The following ATRNL1 variants were observed in gnomAD, a reference collection of about 807,000 sequenced individuals.
The protein encoded by ATRNL1 is attractin-like protein 1.
ATRNL1 carries 95 observed loss-of-function variants against 182.7 expected under a neutral mutation model. The observed-to-expected ratio is 0.52, with a 90% CI of 0.44 to 0.62. The LOEUF is 0.62. Among genes scored for constraint, ATRNL1 ranks in the 20% least tolerant of loss-of-function variants. The pLI is 0.00. For synonymous variants in ATRNL1, 576 were observed against 568.3 expected (o/e 1.01, Z -0.19); for missense variants, 1,471 against 1,679.5 (o/e 0.88, Z 2.17).
chr10:115,564,432 A>G (rs891861611), intron 26 of ATRNL1, among the ~76,000 whole-genome samples: 1 of 151,904 alleles, frequency 6.6e-6, no homozygotes, highest in African/African-American at 2.4e-5. Context: ...TTGAGTAGCT[A>G]GAATTGAAGA....
At chr10:115,173,944 CA>C (rs1339048647) in intron 8 of ATRNL1, among the ~76,000 whole-genome samples, 150,345 of 150,348 alleles carry the variant, frequency 1, 75,171 homozygotes, top group Middle Eastern at 1. Flanking sequence ...CTTGTATTTT[CA>C]AAAAGTCATT....
At chr10:115,175,298 A>C (rs1186098755) in intron 8 of ATRNL1, among the ~76,000 whole-genome samples, 2 of 152,074 alleles carry the variant, frequency 1.3e-5, no homozygotes, top group African/African-American at 2.4e-5. Flanking sequence ...CTAGGAAAGT[A>C]CTATGGGTTT....
chr10:115,333,485 CTTT>C (rs35581763), intron 18 of ATRNL1, among the ~76,000 whole-genome samples: 1 of 138,340 alleles, frequency 7.2e-6, no homozygotes, highest in African/African-American at 2.7e-5. Flanking sequence ...TTCAAAAGTA[CTTT>C]TTTTTTTTTT....
rs1952788226 is a variant in ATRNL1 at position 115,914,622 on chromosome 10, G to A, written c.4019-30036G>A. Among the ~76,000 whole-genome samples, 5 of 152,202 alleles carry A rather than the reference G, an allele frequency of 3.3e-5. No homozygotes were observed. The South Asian group carries it at 1.0e-3, about 32-fold the overall frequency. On this transcript the variant is annotated intron_variant, in intron 28 of 28. Coordinates refer to ENST00000355044, the MANE Select transcript of ATRNL1 (RefSeq NM_207303.4). ...CTTCCTGTCACTTCATTGCCTTTCA[G>A]CTTATCTGGACACCTACTTGGTACT...
At chr10:115,306,661 C>G (rs1780338605) in intron 17 of ATRNL1, among the ~76,000 whole-genome samples, 1 of 152,030 alleles carries the variant, frequency 6.6e-6, no homozygotes, top group Non-Finnish European at 1.5e-5. Flanking sequence ...GTTTTCTTCT[C>G]TTTACTCTTG....
At chr10:115,932,793 A>G (rs538998221) in intron 28 of ATRNL1, among the ~76,000 whole-genome samples, 1 of 152,286 alleles carries the variant, frequency 6.6e-6, no homozygotes, top group South Asian at 2.1e-4. Flanking sequence ...ATTTTTTTCT[A>G]GTTGATAGCT....
intron 27 of ATRNL1, among the ~76,000 whole-genome samples, chr10:115,794,941 T>C (rs1338178002): frequency 2.0e-5 from 3 of 152,214 alleles, no homozygotes; most frequent in East Asian, 1.9e-4. Flanking sequence ...ACTATCATTA[T>C]TTTGATGCTC....
At chr10:115,321,056 G>C (rs1026932960) in intron 18 of ATRNL1, among the ~76,000 whole-genome samples, 2 of 152,052 alleles carry the variant, frequency 1.3e-5, no homozygotes, top group Non-Finnish European at 2.9e-5. Flanking sequence ...TGTTTTCTTT[G>C]AGGCTGTTTA....
chr10:115,441,122 T>C (rs1846659409), intron 21 of ATRNL1, among the ~76,000 whole-genome samples: 1 of 151,910 alleles, frequency 6.6e-6, no homozygotes, highest in Non-Finnish European at 1.5e-5. Context: ...TGTTTTGCTC[T>C]AAATTTTATA....
At chr10:115,802,843 T>C (rs913850160) in intron 27 of ATRNL1, among the ~76,000 whole-genome samples, 1 of 152,168 alleles carries the variant, frequency 6.6e-6, no homozygotes, top group African/African-American at 2.4e-5. Context: ...TTCCAGAATA[T>C]TATCCAGGGG....
intron 1 of ATRNL1, among the ~76,000 whole-genome samples, chr10:115,116,031 G>T (rs1844469368): frequency 6.6e-6 from 1 of 152,042 alleles, no homozygotes; most frequent in African/African-American, 2.4e-5. Flanking sequence ...ACAAGTGATT[G>T]GCAAACTTTT....
At chr10:115,135,975 C>T (rs530960582) in intron 5 of ATRNL1, among the ~76,000 whole-genome samples, 4 of 152,012 alleles carry the variant, frequency 2.6e-5, no homozygotes, top group African/African-American at 7.2e-5. Flanking sequence ...CCTCCCAACT[C>T]AGCCTCCGGA....
rs1461266192 is a variant in ATRNL1 at position 115,524,909 on chromosome 10, C to G, written c.3716+5585C>G. On this transcript the variant is annotated intron_variant, in intron 25 of 28. Transcript: ENST00000355044. ...ATGGGAGTCAATTAGGCCCTCATGT[C>G]TAATGGTAGTCAAAATGTCTGCTTA... Among the ~76,000 whole-genome samples the G allele has an allele frequency of 5.3e-5, 8 of 152,138 alleles. No homozygotes were observed. In the South Asian group the frequency reaches 1.0e-3, roughly 20 times the overall value.
chr10:115,102,539 G>A (rs183320782), intron 1 of ATRNL1, among the ~76,000 whole-genome samples: 29 of 152,252 alleles, frequency 1.9e-4, no homozygotes, highest in African/African-American at 7.0e-4. Flanking sequence ...TGCTCGTCAG[G>A]TTCAAGCGGT....
At chr10:115,719,978 A>G (rs4751926) in intron 26 of ATRNL1, among the ~76,000 whole-genome samples, 56,068 of 150,464 alleles carry the variant, frequency 0.37, 11,233 homozygotes, top group East Asian at 0.59. Context: ...TCCTACTTCA[A>G]CCTCCTGAGT....
rs568238170 is a variant in ATRNL1, at chr10:115,898,880, G to C, written c.4019-45778G>C. Among the ~76,000 whole-genome samples the C allele has an allele frequency of 8.5e-5, 13 of 152,270 alleles. No individual in the cohort carries two copies. In the East Asian group the frequency reaches 1.2e-3, roughly 14 times the overall value. On this transcript the variant is annotated intron_variant, in intron 28 of 28. Transcript: ENST00000355044. ...AAAGATCTCTACACTATATGGCTGA[G>C]TGGAGGAAAACAGCAGCAAAACAGA...
At chr10:115,637,570 ATAAT>A (rs1189886021) in intron 26 of ATRNL1, among the ~76,000 whole-genome samples, 2 of 149,814 alleles carry the variant, frequency 1.3e-5, no homozygotes, top group East Asian at 2.0e-4. Context: ...ATAAAGTAAA[ATAAT>A]TAAAAAGTAA....
chr10:115,370,932 G>T (rs1857361426), intron 19 of ATRNL1, among the ~76,000 whole-genome samples: 1 of 152,130 alleles, frequency 6.6e-6, no homozygotes, highest in African/African-American at 2.4e-5. Context: ...CCAGGCCCAG[G>T]GTCCCTCTGC....
At chr10:115,803,626 G>T (rs1333031416) in intron 27 of ATRNL1, among the ~76,000 whole-genome samples, 1 of 151,228 alleles carries the variant, frequency 6.6e-6, no homozygotes, top group Non-Finnish European at 1.5e-5. Context: ...TTAAGCAAAT[G>T]GGCTTTTTAT....
Sources: gnomAD v4.1 joint callset for allele counts (sites outside exome capture counted in the v4.1 genomes callset) on GRCh38, gnomAD v4.1.1 for gene constraint, MANE v1.5 for transcripts, NCBI Gene and HGNC (gene_info 2026-07-23, HGNC 2026-07-21) for gene names.